KAZN: variants seen among roughly 807,000 people sequenced by gnomAD.
The protein encoded by KAZN is kazrin.
KAZN carries 40 observed loss-of-function variants against 87.4 expected under a neutral mutation model. That is an observed-to-expected ratio of 0.46 (90% CI 0.36 to 0.60). The LOEUF (loss-of-function observed/expected upper bound fraction) is 0.60, where lower values mean the gene tolerates loss of function less well. KAZN is among the 20% of genes least tolerant of loss of function. The pLI, the probability that KAZN is intolerant of heterozygous loss-of-function variation, is 0.00. For missense variants in KAZN, 898 were observed against 1,073.9 expected, an observed-to-expected ratio of 0.84 and a Z score of 2.29; for synonymous variants, 466 against 458.3, an observed-to-expected ratio of 1.02 and a Z score of -0.22.
intron 4 of KAZN, among the ~76,000 whole-genome samples, chr1:15,053,906 G>A (rs769578796): frequency 6.6e-6 from 1 of 152,222 alleles, no homozygotes; most frequent in Non-Finnish European, 1.5e-5. Context: ...AGCTGGCAGT[G>A]GGAGGGAAGT....
At chr1:14,287,920 G>A (rs867490388) in intron 2 of KAZN, among the ~76,000 whole-genome samples, 3 of 152,158 alleles carry the variant, frequency 2.0e-5, no homozygotes, top group African/African-American at 7.2e-5. Context: ...GGCCTTTTGT[G>A]CATCTGTTGA....
chr1:14,655,426 T>C (rs1638730619), intron 1 of KAZN, among the ~76,000 whole-genome samples: 2 of 152,334 alleles, frequency 1.3e-5, no homozygotes, highest in South Asian at 2.1e-4. Flanking sequence ...ATAATTATCT[T>C]TCTTGTCCCT....
chr1:15,066,415 A>G lies in KAZN; in HGVS notation c.1222+662A>G, dbSNP rs1639229937. On this transcript the variant is annotated intron_variant, in intron 8 of 14. Coordinates refer to ENST00000376030, the MANE Select transcript of KAZN (RefSeq NM_201628.3). The surrounding 1 kb of genome is among the most constrained non-coding windows in gnomAD (Gnocchi z 4.3). ...CAAGTCACTTTAACCACAAAACGCC[A>G]TCGTCGTCAGGGTAAGCTCTGCTCT... 3.0e-6 allele frequency: 3 copies of G among 984,834 alleles called. No homozygotes were observed. The highest frequency in any genetic ancestry group is 1.1e-4 in the East Asian group (1 of 8,784). 61.0% of individuals were successfully genotyped at this position (984,834 alleles called of 1,614,324 possible).
chr1:14,489,355 TTATATA>T (rs919109690), intron 2 of KAZN, among the ~76,000 whole-genome samples: 5 of 152,174 alleles, frequency 3.3e-5, no homozygotes, highest in Non-Finnish European at 5.9e-5. Context: ...CGGGATAAAA[TTATATA>T]TATATAAACT....
At chr1:14,984,375 CAAAA>C (rs879713609) in intron 2 of KAZN, among the ~76,000 whole-genome samples, 1 of 149,928 alleles carries the variant, frequency 6.7e-6, no homozygotes, top group Admixed American at 6.7e-5. Flanking sequence ...GACTCTGTCT[CAAAA>C]AAAAGAAAAA....
intron 1 of KAZN, among the ~76,000 whole-genome samples, chr1:14,779,953 AT>A: frequency 6.6e-6 from 1 of 152,278 alleles, no homozygotes; most frequent in East Asian, 1.9e-4. Context: ...GTTAATGATG[AT>A]TTTGCAATAA....
intron 1 of KAZN, among the ~76,000 whole-genome samples, chr1:14,898,419 G>A (rs1301708693): frequency 1.3e-5 from 2 of 152,216 alleles, no homozygotes; most frequent in Non-Finnish European, 2.9e-5. Context: ...GCGAGATACA[G>A]TCCTGGCTCC....
chr1:14,017,738 G>A (rs1383207361), intron 1 of KAZN, among the ~76,000 whole-genome samples: 1 of 152,196 alleles, frequency 6.6e-6, no homozygotes, highest in Non-Finnish European at 1.5e-5. Context: ...ATGGCCTGTG[G>A]AAATTTTCCA....
At position 15,077,998 on chromosome 1, in the gene KAZN, G is replaced by T. The variant is rs1446272141; in HGVS notation, c.1222+12245G>T. ...CTATATGCCAGGTTTAGGGCTTAGG[G>T]CTGAGGATGCAGATGTGGATGATGA... is the stretch of plus-strand genomic sequence containing the variant. On this transcript the variant is annotated intron_variant, in intron 8 of 14. Coordinates refer to ENST00000376030, the MANE Select transcript of KAZN (RefSeq NM_201628.3). The surrounding 1 kb of genome is among the most constrained non-coding windows in gnomAD (Gnocchi z 4.8). 1.3e-5 allele frequency among the ~76,000 whole-genome samples: 2 copies of T among 152,200 alleles called. No individual in the cohort carries two copies. The highest frequency in any genetic ancestry group is 4.8e-5 in the African/African-American group (2 of 41,444).
chr1:15,031,816 G>A (rs1307299927), intron 2 of KAZN, among the ~76,000 whole-genome samples: 2 of 152,108 alleles, frequency 1.3e-5, no homozygotes, highest in Non-Finnish European at 2.9e-5. Context: ...TCACCATGTC[G>A]TCCAGGCTAG....
chr1:14,585,484 C>T (rs144228650), intron 2 of KAZN, among the ~76,000 whole-genome samples: 1 of 152,274 alleles, frequency 6.6e-6, no homozygotes, highest in Non-Finnish European at 1.5e-5. Flanking sequence ...AAGGCAGTTA[C>T]TTGGGGCACG....
At chr1:14,236,114 ATT>A (rs33975751) in intron 2 of KAZN, among the ~76,000 whole-genome samples, 70,197 of 151,812 alleles carry the variant, frequency 0.46, 17,463 homozygotes, top group Non-Finnish European at 0.56. Flanking sequence ...TTTTAATGAT[ATT>A]TTCTTCAGAT....
intron 2 of KAZN, among the ~76,000 whole-genome samples, chr1:14,258,817 G>A (rs1981210): frequency 1.1e-3 from 168 of 152,192 alleles, no homozygotes; most frequent in Middle Eastern, 3.4e-3. Context: ...CTACAACCTC[G>A]CAGGAATATG....
intron 2 of KAZN, among the ~76,000 whole-genome samples, chr1:14,985,312 A>T (rs12043727): frequency 0.069 from 8,818 of 128,224 alleles, 400 homozygotes; most frequent in East Asian, 0.16. Context: ...GGAGAATCAC[A>T]TGAGCTGAGG....
At chr1:14,604,179 G>A (rs2148606310) in intron 1 of KAZN, among the ~76,000 whole-genome samples, 1 of 152,302 alleles carries the variant, frequency 6.6e-6, no homozygotes, top group East Asian at 1.9e-4. Flanking sequence ...ATTAGGGTGA[G>A]TAGCACAAAA....
rs182323957 is a variant in KAZN at position 14,039,833 on chromosome 1, A to T, written c.92-140602A>T. Among the ~76,000 whole-genome samples the T allele has an allele frequency of 1.2e-3, 184 of 152,322 alleles. 1 individual carries two copies. Among genetic ancestry groups the T allele is most frequent in the Middle Eastern group, 0.01 (3 of 294 alleles). On this transcript the variant is annotated intron_variant, in intron 1 of 16. Coordinates refer to the KAZN transcript ENST00000636203. ...AAAGGAGCACAGATAACTGTGGATT[A>T]TCTAGATTTTTCTACATTGCCATGT...
chr1:14,624,238 G>C (rs1678928783), intron 1 of KAZN, among the ~76,000 whole-genome samples: 1 of 152,054 alleles, frequency 6.6e-6, no homozygotes, highest in African/African-American at 2.4e-5. Flanking sequence ...CTGGCTAACA[G>C]GGTGAAACCC....
chr1:14,814,158 G>A (rs1327231540), intron 1 of KAZN, among the ~76,000 whole-genome samples: 1 of 152,202 alleles, frequency 6.6e-6, no homozygotes, highest in African/African-American at 2.4e-5. Flanking sequence ...TGGATGTGAA[G>A]CCAACAACTT....
chr1:14,156,755 C>A (rs1645601846), intron 1 of KAZN, among the ~76,000 whole-genome samples: 1 of 152,116 alleles, frequency 6.6e-6, no homozygotes, highest in Non-Finnish European at 1.5e-5. Flanking sequence ...ATCTTGAAGG[C>A]AACAAATCAT....
Sources: allele counts gnomAD v4.1 joint callset (sites outside exome capture counted in the v4.1 genomes callset), GRCh38; gene constraint gnomAD v4.1.1; non-coding constraint Gnocchi (gnomAD v3.1); transcripts MANE v1.5; gene names NCBI Gene and HGNC (gene_info 2026-07-23, HGNC 2026-07-21).